The following KIF3B variants were observed in gnomAD, a reference collection of about 807,000 sequenced individuals.
KIF3B encodes the protein kinesin family member 3B.
Under a neutral mutation model 74.3 loss-of-function variants are expected in KIF3B, and 38 were observed. That is an observed-to-expected ratio of 0.51 (90% CI 0.39 to 0.67). The LOEUF is 0.67. Ranked by LOEUF, KIF3B falls within the 30% of genes least tolerant of loss-of-function variation. KIF3B has a pLI of 0.00. For missense variants in KIF3B, 649 were observed against 932.0 expected (o/e 0.70, Z 3.95); for synonymous variants, 326 against 342.5 (o/e 0.95, Z 0.53).
At chr20:32,282,087 T>A (rs980416410) in intron 1 of KIF3B, among the ~76,000 whole-genome samples, 1 of 152,184 alleles carries the variant, frequency 6.6e-6, no homozygotes, top group Non-Finnish European at 1.5e-5. Flanking sequence ...GATCTATTTT[T>A]GTTTTTTAAA....
At chr20:32,317,106 G>A (rs1469095098) in intron 5 of KIF3B, among the ~76,000 whole-genome samples, 1 of 137,626 alleles carries the variant, frequency 7.3e-6, no homozygotes, top group African/African-American at 2.5e-5. Flanking sequence ...GCGTGGTGGT[G>A]CATGCCTGTA....
rs926992632 is a variant in KIF3B at position 32,318,992 on chromosome 20, G to A, written c.1748+2118G>A. On this transcript the variant is annotated intron_variant, in intron 5 of 8. Transcript: ENST00000375712. ...TTTTTTTTTTCTTTGAGACAGTCTC[G>A]TTCTGCCACCCAGGCTGGTGTGCAG... is the stretch of plus-strand genomic sequence containing the variant. Among the ~76,000 whole-genome samples the A allele has an allele frequency of 6.8e-5, 10 of 146,576 alleles. No homozygotes were observed. In the South Asian group the frequency reaches 1.3e-3, roughly 19 times the overall value.
Position 32,302,317 on chromosome 20 carries a change from G to T in KIF3B, c.-65-7396G>T, listed in dbSNP as rs557462095. ...AGTCTAGCTGGGTGAGTTCAGAAAA[G>T]AAATGGTGTTCTGTGTTCAGAGTTG... On this transcript the variant is annotated intron_variant, in intron 1 of 8. Coordinates refer to ENST00000375712, the MANE Select transcript of KIF3B (RefSeq NM_004798.4). 2.6e-5 allele frequency among the ~76,000 whole-genome samples: 4 copies of T among 152,336 alleles called. No homozygotes were observed. The South Asian group carries it at 8.3e-4, about 32-fold the overall frequency.
Position 32,316,748 on chromosome 20 carries a change from C to G in KIF3B, c.1630-8C>G. On this transcript the variant is annotated splice_polypyrimidine_tract_variant and splice_region_variant and intron_variant, in intron 4 of 8. Coordinates refer to ENST00000375712, the MANE Select transcript of KIF3B (RefSeq NM_004798.4). ...CACCCTCCTCACCTGCCTCTCCCCTCATTCCAGCTCTTCTCCAAGCTTCAG... is the reference window on the plus strand; with the variant it reads ...CACCCTCCTCACCTGCCTCTCCCCTGATTCCAGCTCTTCTCCAAGCTTCAG... 6.2e-7 allele frequency: 1 copy of G among 1,613,638 alleles called. No homozygotes were observed. Among genetic ancestry groups the G allele is most frequent in the Non-Finnish European group, 8.5e-7 (1 of 1,179,546 alleles).
chr20:32,288,260 G>A (rs1178927061), intron 1 of KIF3B, among the ~76,000 whole-genome samples: 1 of 152,032 alleles, frequency 6.6e-6, no homozygotes, highest in Non-Finnish European at 1.5e-5. Context: ...AGGCCTAAGT[G>A]GGAAGATTGC....
At chr20:32,283,338 T>C (rs762604599) in intron 1 of KIF3B, among the ~76,000 whole-genome samples, 12 of 151,972 alleles carry the variant, frequency 7.9e-5, no homozygotes, top group Non-Finnish European at 1.6e-4. Context: ...ACCCCTTCTT[T>C]ACTAAGAATA....
intron 5 of KIF3B, among the ~76,000 whole-genome samples, chr20:32,320,317 G>A (rs2047853580): frequency 6.6e-6 from 1 of 152,116 alleles, no homozygotes; most frequent in African/African-American, 2.4e-5. Context: ...ATTACTTATA[G>A]CACAAAAGAT....
In KIF3B at chr20:32,322,676, ATATTTATATATATTTATATATATT is replaced by A. The variant is rs1331861795; in HGVS notation, c.1749-4091_1749-4068del. On this transcript the variant is annotated intron_variant, in intron 5 of 8. Transcript: ENST00000375712. ...TTTATATATTTATATATATATTTAT[ATATTTATATATATTTATATATATT>A]TATATATTTATATATATTTATATTT... is the stretch of plus-strand genomic sequence containing the variant. Among the ~76,000 whole-genome samples the A allele has an allele frequency of 4.5e-3, 197 of 43,592 alleles. 24 individuals carry two copies. In the African/African-American group the frequency reaches 0.054, roughly 12 times the overall value. The allele number at this position is 43,592 out of a possible 152,430, so 28.6% of individuals were successfully genotyped here.
intron 5 of KIF3B, among the ~76,000 whole-genome samples, chr20:32,321,882 A>T (rs527412296): frequency 6.6e-6 from 1 of 152,014 alleles, no homozygotes; most frequent in Admixed American, 6.5e-5. Context: ...AATAGACTAC[A>T]GTATAGTGTA....
At chr20:32,301,640 G>A (rs62208768) in intron 1 of KIF3B, among the ~76,000 whole-genome samples, 6 of 152,160 alleles carry the variant, frequency 3.9e-5, no homozygotes, top group Admixed American at 1.3e-4. Context: ...GCCTCCCAAA[G>A]TGCTGAGATT....
chr20:32,308,779 G>A lies in KIF3B; in HGVS notation c.-65-934G>A, dbSNP rs187770692. 4.5e-3 allele frequency among the ~76,000 whole-genome samples: 663 copies of A among 148,154 alleles called. 6 individuals carry two copies. The highest frequency in any genetic ancestry group is 0.015 in the African/African-American group (602 of 39,844). On this transcript the variant is annotated intron_variant, in intron 1 of 8. Transcript: ENST00000375712. The stretch of plus-strand genomic sequence containing the variant: ...CTCGCTTTGTCACCCAGGCTGGAGC[G>A]CAGTGCCAGGATCTCGGCCTCTGCC...
At chr20:32,316,088 G>A (rs2047825936) in intron 2 of KIF3B, 130 bp from the exon 3 acceptor site, 1 of 665,340 alleles carries the variant, frequency 1.5e-6, no homozygotes. Context: ...TGAGCACAGT[G>A]TATTTTTTCC....
At chr20:32,301,850 C>A (rs2047745813) in intron 1 of KIF3B, among the ~76,000 whole-genome samples, 1 of 152,100 alleles carries the variant, frequency 6.6e-6, no homozygotes, top group African/African-American at 2.4e-5. Flanking sequence ...GGTGAGGATG[C>A]GTGAATCTAA....
At position 32,310,243 on chromosome 20, in the gene KIF3B, C is replaced by G. The variant is rs964649308; in HGVS notation, c.466C>G (p.Leu156Val). Residue 156 changes from leucine (L) to valine (V), a missense_variant, in exon 2 of 9, where the codon CTC becomes GTC. Transcript: ENST00000375712. The surrounding 1 kb of genome is among the most constrained non-coding windows in gnomAD (Gnocchi z 6.5). ...CTACCAGGAGGAGATCCGAGATTTG[C>G]TCTCAAAGGATCAGACCAAAAGGCT... ...EIYQEEIRDL[L>V]SKDQTKRLEL... 6.2e-7 allele frequency: 1 copy of G among 1,613,974 alleles called. No individual in the cohort carries two copies.
At chr20:32,327,485 C>A in intron 6 of KIF3B, 71 bp from the exon 7 acceptor site, 2 of 1,247,902 alleles carry the variant, frequency 1.6e-6, no homozygotes, top group Non-Finnish European at 1.2e-6. Flanking sequence ...GCTTCAGGTT[C>A]TGTCAGTGTC....
At chr20:32,318,481 G>A (rs950004396) in intron 5 of KIF3B, among the ~76,000 whole-genome samples, 2 of 151,966 alleles carry the variant, frequency 1.3e-5, no homozygotes, top group Admixed American at 1.3e-4. Context: ...TTCCCAACCC[G>A]AAGTAATCAC....
In KIF3B at chr20:32,330,323, AGT is replaced by A; in HGVS notation, c.2147+6_2147+7del. On this transcript the variant is annotated splice_donor_5th_base_variant and intron_variant, in intron 8 of 8. Transcript: ENST00000375712. Reference sequence around the variant, plus strand: ...CAAATAAGAAATCCAAGGCCAGGTGAGTGGCTTTGATGACGTGTGTTTAAACA... The same window carrying A: ...CAAATAAGAAATCCAAGGCCAGGTGAGGCTTTGATGACGTGTGTTTAAACA... 6.2e-7 allele frequency: 1 copy of A among 1,612,976 alleles called. No individual in the cohort carries two copies. Among genetic ancestry groups the A allele is most frequent in the Non-Finnish European group, 8.5e-7 (1 of 1,179,180 alleles).
chr20:32,322,678 A>ATATT (rs1239857006), intron 5 of KIF3B, among the ~76,000 whole-genome samples: 1 of 43,788 alleles, frequency 2.3e-5, no homozygotes, highest in Non-Finnish European at 3.1e-5. Context: ...ATATTTATAT[A>ATATT]TTTATATATA....
At chr20:32,318,171 G>A (rs1243064051) in intron 5 of KIF3B, among the ~76,000 whole-genome samples, 3 of 151,862 alleles carry the variant, frequency 2.0e-5, no homozygotes, top group African/African-American at 4.8e-5. Flanking sequence ...GTGTGATGGC[G>A]TGTACCTGTA....
Sources: gnomAD v4.1 joint callset for allele counts (sites outside exome capture counted in the v4.1 genomes callset) on GRCh38, gnomAD v4.1.1 for gene constraint, Gnocchi (gnomAD v3.1) non-coding constraint, MANE v1.5 for transcripts, NCBI Gene and HGNC (gene_info 2026-07-23, HGNC 2026-07-21) for gene names.